Variants in TMCO5A observed in about 807,000 individuals in gnomAD.
TMCO5A encodes the protein transmembrane and coiled-coil domain-containing protein 5A.
Under a neutral mutation model 42.3 loss-of-function variants are expected in TMCO5A, and 34 were observed. The observed-to-expected ratio is 0.80, with a 90% confidence interval of 0.61 to 1.07. TMCO5A has a LOEUF of 1.07. Ranked by LOEUF, TMCO5A falls within the 50% of genes least tolerant of loss-of-function variation. The pLI is 0.00. For synonymous variants in TMCO5A, 131 were observed against 115.6 expected (o/e 1.13, Z -0.86); for missense variants, 357 against 327.9 (o/e 1.09, Z -0.69).
chr15:38,020,376 C>A, the TMCO5A span: 1 of 151,806 alleles, frequency 6.6e-6, no homozygotes, highest in African/African-American at 2.4e-5. Flanking sequence ...TTCAATGAAC[C>A]CTTGGAAGAA....
chr15:37,979,653 T>C, the TMCO5A span, among the ~76,000 whole-genome samples: 1 of 151,936 alleles, frequency 6.6e-6, no homozygotes. Flanking sequence ...GTGGCCACTT[T>C]TCTTTAAGGC....
the TMCO5A span, among the ~76,000 whole-genome samples, chr15:38,015,577 T>C: frequency 1.3e-5 from 2 of 152,220 alleles, no homozygotes; most frequent in Non-Finnish European, 2.9e-5. Context: ...TGAACACTTA[T>C]GTCCACACAA....
chr15:37,965,827 A>C (rs1312472680), intron 11 of TMCO5A, among the ~76,000 whole-genome samples: 1 of 152,198 alleles, frequency 6.6e-6, no homozygotes, highest in East Asian at 1.9e-4. Context: ...TAGTACAACC[A>C]CTATGGAGAA....
chr15:37,939,578 C>T (rs1198577699), intron 6 of TMCO5A, among the ~76,000 whole-genome samples: 2 of 152,102 alleles, frequency 1.3e-5, no homozygotes, highest in African/African-American at 4.8e-5. Context: ...TGACAGAGAA[C>T]AAAGTCTAGT....
chr15:38,000,670 C>T, the TMCO5A span, among the ~76,000 whole-genome samples: 2 of 152,036 alleles, frequency 1.3e-5, no homozygotes, highest in South Asian at 2.1e-4. Context: ...CCTCTTAGTA[C>T]TGCTTTTGCT....
chr15:37,939,593 G>C (rs28709569), intron 6 of TMCO5A, among the ~76,000 whole-genome samples: 1 of 152,226 alleles, frequency 6.6e-6, no homozygotes, highest in African/African-American at 2.4e-5. Context: ...TCTAGTCTTA[G>C]TCAGAATAAT....
chr15:37,941,003 C>T, intron 6 of TMCO5A, 146 bp from the exon 7 acceptor site: 1 of 655,220 alleles, frequency 1.5e-6, no homozygotes, highest in Non-Finnish European at 2.7e-6. Context: ...GCAAACGGTG[C>T]TGGGTGGCTT....
the TMCO5A span, among the ~76,000 whole-genome samples, chr15:37,997,617 G>A: frequency 6.6e-6 from 1 of 152,144 alleles, no homozygotes; most frequent in Non-Finnish European, 1.5e-5. Context: ...TCTGTGGATG[G>A]ACACTTAGGC....
chr15:37,992,321 A>G, the TMCO5A span, among the ~76,000 whole-genome samples: 1 of 152,166 alleles, frequency 6.6e-6, no homozygotes, highest in Non-Finnish European at 1.5e-5. Context: ...ACCAGTCAGA[A>G]TGGTTATTAT....
intron 11 of TMCO5A, among the ~76,000 whole-genome samples, chr15:37,960,456 C>T (rs1309480405): frequency 6.6e-6 from 1 of 152,070 alleles, no homozygotes; most frequent in Non-Finnish European, 1.5e-5. Flanking sequence ...GGGTTGGTTC[C>T]ATGATTTTGC....
intron 5 of TMCO5A, 106 bp from the exon 6 acceptor site, chr15:37,938,052 T>A (rs1488361305): frequency 1.1e-6 from 1 of 896,540 alleles, no homozygotes; most frequent in African/African-American, 1.7e-5. Flanking sequence ...AAGGACCATA[T>A]CCTGGAAAGG....
chr15:37,980,709 T>C, the TMCO5A span, among the ~76,000 whole-genome samples: 9 of 151,488 alleles, frequency 5.9e-5, no homozygotes, highest in South Asian at 1.9e-3. Flanking sequence ...AACTCTGAGA[T>C]TCAGTGGAAC....
chr15:37,955,641 T>C (rs1890268934), downstream of TMCO5A, among the ~76,000 whole-genome samples: 1 of 152,108 alleles, frequency 6.6e-6, no homozygotes, highest in South Asian at 2.1e-4. Flanking sequence ...CACACAATAA[T>C]AGTGGAAGAC....
At chr15:38,033,636 T>C in the TMCO5A span, among the ~76,000 whole-genome samples, 8 of 151,854 alleles carry the variant, frequency 5.3e-5, no homozygotes, top group African/African-American at 1.9e-4. Flanking sequence ...GTTTTGTTTT[T>C]TGTTTTTAGA....
At chr15:37,994,084 A>G in the TMCO5A span, among the ~76,000 whole-genome samples, 2 of 152,168 alleles carry the variant, frequency 1.3e-5, no homozygotes, top group Admixed American at 1.3e-4. Flanking sequence ...TCAAAAAAAG[A>G]ATTTAAACCT....
intron 10 of TMCO5A, among the ~76,000 whole-genome samples, chr15:37,945,238 G>A (rs1244963408): frequency 6.6e-6 from 1 of 152,076 alleles, no homozygotes; most frequent in Admixed American, 6.6e-5. Flanking sequence ...AGTATTCCAT[G>A]ATGTATATAT....
the TMCO5A span, among the ~76,000 whole-genome samples, chr15:37,995,505 G>T: frequency 6.6e-6 from 1 of 152,192 alleles, no homozygotes; most frequent in African/African-American, 2.4e-5. Context: ...TGGTTAGAAA[G>T]TTGCCTCAGT....
downstream of TMCO5A, among the ~76,000 whole-genome samples, chr15:37,953,931 CAG>C (rs1890223289): frequency 6.6e-6 from 1 of 151,438 alleles, no homozygotes; most frequent in African/African-American, 2.4e-5. Flanking sequence ...AAGAATACAC[CAG>C]AGTCTTTTAA....
At chr15:37,953,941 T>C (rs186334030), downstream of TMCO5A, among the ~76,000 whole-genome samples, 1,299 of 152,016 alleles carry the variant, frequency 8.5e-3, 11 homozygotes, top group Admixed American at 0.011. Context: ...CAGAGTCTTT[T>C]AATAGCAGAA....
Sources: allele counts gnomAD v4.1 joint callset (sites outside exome capture counted in the v4.1 genomes callset), GRCh38; gene constraint gnomAD v4.1.1; transcripts MANE v1.5; gene names NCBI Gene and HGNC (gene_info 2026-07-23, HGNC 2026-07-21).